The following LRP1B variants were observed in gnomAD, a reference collection of about 807,000 sequenced individuals.
LRP1B encodes the protein low-density lipoprotein receptor-related protein 1B.
LRP1B carries 217 observed loss-of-function variants against 556.6 expected under a neutral mutation model. That is an observed-to-expected ratio of 0.39 (90% CI 0.35 to 0.44). LRP1B has a LOEUF of 0.44. Ranked by LOEUF, LRP1B falls within the 20% of genes least tolerant of loss-of-function variation. LRP1B has a pLI of 1.00. For missense variants in LRP1B, 5,053 were observed against 5,620.8 expected, an observed-to-expected ratio of 0.90 and a Z score of 3.23; for synonymous variants, 2,047 against 1,865.8, an observed-to-expected ratio of 1.10 and a Z score of -2.50.
At chr2:140,389,694 A>G (rs1353859541) in intron 66 of LRP1B, among the ~76,000 whole-genome samples, 1 of 145,726 alleles carries the variant, frequency 6.9e-6, no homozygotes, top group Non-Finnish European at 1.5e-5. Context: ...TAAAATGTTC[A>G]TTTTTTCCAA....
At chr2:141,534,840 G>A (rs1685014091) in intron 2 of LRP1B, among the ~76,000 whole-genome samples, 1 of 152,088 alleles carries the variant, frequency 6.6e-6, no homozygotes, top group Admixed American at 6.6e-5. Context: ...AGGGCATGGG[G>A]CTGAGAAAGA....
intron 1 of LRP1B, among the ~76,000 whole-genome samples, chr2:142,064,192 A>G (rs1451532974): frequency 3.3e-5 from 5 of 151,574 alleles, no homozygotes; most frequent in African/African-American, 9.7e-5. Flanking sequence ...TTTTACATTC[A>G]TATAATCCTA....
At chr2:141,182,821 G>A (rs914683568) in intron 7 of LRP1B, among the ~76,000 whole-genome samples, 2 of 151,682 alleles carry the variant, frequency 1.3e-5, no homozygotes, top group Non-Finnish European at 2.9e-5. Flanking sequence ...TTTGTTACGG[G>A]GGGGAGTTGG....
chr2:140,541,043 T>C lies in LRP1B; in HGVS notation c.7443A>G (p.Leu2481=). ...LNGGCHDLCL[L]TPNGRVNCSC... ...AACAATTCACTCTCCCATTGGGAGTTAAAAGGCACAAGTCATGGCAGCCTC... is the reference window on the plus strand; with the variant it reads ...AACAATTCACTCTCCCATTGGGAGTCAAAAGGCACAAGTCATGGCAGCCTC... Residue 2481 remains leucine, a synonymous_variant, in exon 45 of 91, where the codon TTA becomes TTG. Coordinates refer to ENST00000389484, the MANE Select transcript of LRP1B (RefSeq NM_018557.3). 1 of 1,611,676 alleles carries C rather than the reference T, an allele frequency of 6.2e-7. No individual in the cohort carries two copies. Among genetic ancestry groups the C allele is most frequent in the Non-Finnish European group, 8.5e-7 (1 of 1,178,326 alleles).
At chr2:141,645,183 A>T (rs908476308) in intron 2 of LRP1B, among the ~76,000 whole-genome samples, 1 of 152,160 alleles carries the variant, frequency 6.6e-6, no homozygotes, top group Admixed American at 6.6e-5. Flanking sequence ...AAGGAAGGGC[A>T]TTTCATTTTC....
chr2:140,264,728 GTGTGTGTGTGTGTA>G (rs1352895525), intron 86 of LRP1B, among the ~76,000 whole-genome samples: 15 of 104,466 alleles, frequency 1.4e-4, no homozygotes, highest in African/African-American at 6.1e-4. Flanking sequence ...GTGTGTGTGT[GTGTGTGTGTGTGTA>G]TATAATTTTC....
At position 141,480,638 on chromosome 2, in the gene LRP1B, G is replaced by T. The variant is rs1573996160; in HGVS notation, c.206-105C>A. 5 of 1,110,352 alleles carry T rather than the reference G, an allele frequency of 4.5e-6. No homozygotes were observed. In the Admixed American group the frequency reaches 7.1e-5, roughly 16 times the overall value. 68.8% of individuals were successfully genotyped at this position (1,110,352 alleles called of 1,614,324 possible). A position where few individuals can be genotyped will look rare whatever the true frequency, so the allele number is the denominator to read the frequency against. On this transcript the variant is annotated intron_variant, in intron 2 of 90. Transcript: ENST00000389484. ...CATTGTTTTACAAAACAAAACTATA[G>T]AAAATACTGTAAGAGTGCTGCTCTT... is the stretch of plus-strand genomic sequence containing the variant.
At chr2:141,471,990 T>C (rs998272324) in intron 3 of LRP1B, among the ~76,000 whole-genome samples, 1 of 152,198 alleles carries the variant, frequency 6.6e-6, no homozygotes, top group Non-Finnish European at 1.5e-5. Flanking sequence ...TTGTAGAACA[T>C]TAATATGTCT....
At chr2:140,333,209 A>T (rs182217655) in intron 79 of LRP1B, among the ~76,000 whole-genome samples, 4 of 152,210 alleles carry the variant, frequency 2.6e-5, no homozygotes, top group African/African-American at 9.6e-5. Flanking sequence ...CTCTTTAGTC[A>T]GGTCTCTCTT....
chr2:141,661,229 C>G (rs923515333), intron 2 of LRP1B, among the ~76,000 whole-genome samples: 1 of 152,076 alleles, frequency 6.6e-6, no homozygotes, highest in Non-Finnish European at 1.5e-5. Context: ...AAGGAATCCA[C>G]GAAAAAAATG....
chr2:140,455,584 A>T (rs1005634081), intron 62 of LRP1B, among the ~76,000 whole-genome samples: 6 of 152,162 alleles, frequency 3.9e-5, no homozygotes, highest in African/African-American at 1.2e-4. Context: ...TGGCTCCCTG[A>T]AAAAGTTCTA....
At chr2:141,074,568 T>C (rs1177901491) in intron 7 of LRP1B, among the ~76,000 whole-genome samples, 1 of 74,298 alleles carries the variant, frequency 1.3e-5, no homozygotes, top group Non-Finnish European at 3.1e-5. Flanking sequence ...TCTGTCTCTC[T>C]GTCTCTCTCT....
At chr2:141,189,388 T>C (rs1296104636) in intron 6 of LRP1B, among the ~76,000 whole-genome samples, 1 of 151,942 alleles carries the variant, frequency 6.6e-6, no homozygotes, top group African/African-American at 2.4e-5. Flanking sequence ...ACTCATTATC[T>C]TCATGTTCCT....
intron 11 of LRP1B, among the ~76,000 whole-genome samples, chr2:141,041,142 TC>T (rs1458440112): frequency 6.6e-6 from 1 of 152,170 alleles, no homozygotes; most frequent in African/African-American, 2.4e-5. Context: ...TCTGATATTA[TC>T]AGGTGGAAGC....
intron 2 of LRP1B, among the ~76,000 whole-genome samples, chr2:141,568,318 G>A (rs1005423110): frequency 6.6e-6 from 1 of 150,996 alleles, no homozygotes; most frequent in Non-Finnish European, 1.5e-5. Flanking sequence ...CTATGCATAT[G>A]ACTATTTAAA....
intron 2 of LRP1B, among the ~76,000 whole-genome samples, chr2:141,731,327 A>T (rs1383576463): frequency 6.6e-6 from 1 of 152,002 alleles, no homozygotes; most frequent in African/African-American, 2.4e-5. Context: ...TCAGAGACAC[A>T]TTTGCGGGTA....
intron 2 of LRP1B, among the ~76,000 whole-genome samples, chr2:141,563,998 G>T (rs1686248619): frequency 6.6e-6 from 1 of 151,846 alleles, no homozygotes; most frequent in Non-Finnish European, 1.5e-5. Flanking sequence ...ACCTGAAAAT[G>T]TACCCCTAAA....
At chr2:140,471,973 A>G (rs147538343) in intron 60 of LRP1B, among the ~76,000 whole-genome samples, 53 of 152,220 alleles carry the variant, frequency 3.5e-4, no homozygotes, top group Admixed American at 5.9e-4. Flanking sequence ...CTTTCCCTCT[A>G]TGGGGAGCTT....
intron 80 of LRP1B, among the ~76,000 whole-genome samples, chr2:140,324,727 A>G (rs1403434964): frequency 6.6e-6 from 1 of 151,964 alleles, no homozygotes; most frequent in East Asian, 1.9e-4. Context: ...AACGACATTT[A>G]TATTTTACTA....
Sources: allele counts gnomAD v4.1 joint callset (sites outside exome capture counted in the v4.1 genomes callset), GRCh38; gene constraint gnomAD v4.1.1; transcripts MANE v1.5; gene names NCBI Gene and HGNC (gene_info 2026-07-23, HGNC 2026-07-21).